ICE2: variants seen among roughly 807,000 people sequenced by gnomAD.
ICE2 encodes interactor of little elongation complex ELL subunit 2.
A neutral mutation model predicts 105.4 loss-of-function variants in ICE2; 87 were observed. That is an observed-to-expected ratio of 0.83 (90% CI 0.69 to 0.99). ICE2 has a LOEUF of 0.99. Among genes scored for constraint, ICE2 ranks in the 50% least tolerant of loss-of-function variants. The probability of loss-of-function intolerance (pLI) is 0.00; values close to 1 mark genes in which losing one functional copy is unlikely to be tolerated. For missense variants in ICE2, 1,323 were observed against 1,146.7 expected (o/e 1.15, Z -2.22); for synonymous variants, 399 against 392.0 (o/e 1.02, Z -0.21).
At chr15:60,458,450 T>C (rs1183812800) in intron 5 of ICE2, among the ~76,000 whole-genome samples, 1 of 151,944 alleles carries the variant, frequency 6.6e-6, no homozygotes, top group African/African-American at 2.4e-5. Flanking sequence ...TGGTGAAAAG[T>C]GAGGAAAATA....
intron 12 of ICE2, 79 bp from the exon 13 acceptor site, chr15:60,436,306 C>T: frequency 4.1e-6 from 2 of 489,178 alleles, no homozygotes; most frequent in Non-Finnish European, 3.6e-6. Context: ...ATCCTGTCTC[C>T]TTAAAGATTA....
chr15:60,468,722 G>A (rs1269215056), intron 3 of ICE2, among the ~76,000 whole-genome samples: 1 of 152,108 alleles, frequency 6.6e-6, no homozygotes, highest in Non-Finnish European at 1.5e-5. Flanking sequence ...GTGAATAAAA[G>A]CTACTAAGAA....
intron 12 of ICE2, among the ~76,000 whole-genome samples, chr15:60,437,303 A>C (rs2063616615): frequency 6.6e-6 from 1 of 151,940 alleles, no homozygotes; most frequent in African/African-American, 2.4e-5. Flanking sequence ...GATTTCCCAA[A>C]GTTAAAAAAA....
chr15:60,452,364 C>G, intron 9 of ICE2: 1 of 609,768 alleles, frequency 1.6e-6, no homozygotes, highest in South Asian at 7.4e-5. Flanking sequence ...AAGTCTCTGT[C>G]CACATTTCCT....
intron 15 of ICE2, among the ~76,000 whole-genome samples, chr15:60,427,467 C>A (rs1342954728): frequency 6.6e-6 from 1 of 152,192 alleles, no homozygotes; most frequent in Non-Finnish European, 1.5e-5. Context: ...GTAGCCCAGG[C>A]TGGAGTGCAG....
intron 3 of ICE2, among the ~76,000 whole-genome samples, chr15:60,470,937 C>T (rs554071157): frequency 1.6e-4 from 25 of 152,054 alleles, no homozygotes; most frequent in Non-Finnish European, 1.6e-4. Flanking sequence ...CAGTCTGATA[C>T]GGCTGAGAAC....
rs143794443 is a variant in ICE2, at chr15:60,466,613, T to C, written c.509A>G (p.Asp170Gly). 1 of 1,611,416 alleles carries C rather than the reference T, an allele frequency of 6.2e-7. No homozygotes were observed. The highest frequency in any genetic ancestry group is 8.5e-7 in the Non-Finnish European group (1 of 1,179,720). ...TTTTACCTCTGTGAAGAGACGGGCA[T>C]CATCAGAAAGCATATTATAATCCTG... ...CAQDYNMLSD[D>G]ARLFTEKILR... The change falls in exon 5 of 16, where the codon GAT becomes GGT. Residue 170 changes from aspartate to glycine, a missense_variant. Physicochemically the swap from Asp to Gly is moderately conservative, Grantham distance 94. Transcript: ENST00000261520.
chr15:60,432,112 A>C (rs1296500762), intron 13 of ICE2, 128 bp from the exon 14 acceptor site: 3 of 271,280 alleles, frequency 1.1e-5, no homozygotes, highest in Non-Finnish European at 1.9e-5. Flanking sequence ...AATGTAATAC[A>C]AAAAATCTGA....
chr15:60,425,709 T>C (rs1478161377), intron 15 of ICE2, among the ~76,000 whole-genome samples: 1 of 152,218 alleles, frequency 6.6e-6, no homozygotes, highest in Non-Finnish European at 1.5e-5. Flanking sequence ...AACAAATTTT[T>C]ACACCATGAA....
intron 1 of ICE2, 80 bp downstream of exon 1, chr15:60,478,923 C>A (rs950826061): frequency 4.4e-6 from 2 of 455,078 alleles, no homozygotes; most frequent in African/African-American, 2.0e-5. Flanking sequence ...TCCCTCCTCC[C>A]GCCCCTGCAT....
At chr15:60,429,876 A>C (rs1053926272) in intron 14 of ICE2, among the ~76,000 whole-genome samples, 3 of 152,172 alleles carry the variant, frequency 2.0e-5, no homozygotes, top group African/African-American at 7.2e-5. Context: ...ACTTCCACTA[A>C]AAATGGAGAA....
chr15:60,425,332 A>G (rs2063317273), intron 15 of ICE2, among the ~76,000 whole-genome samples: 1 of 152,216 alleles, frequency 6.6e-6, no homozygotes, highest in South Asian at 2.1e-4. Flanking sequence ...GGTATTTCCT[A>G]TAAAGGTATA....
chr15:60,452,097 T>C, intron 9 of ICE2: 6 of 985,368 alleles, frequency 6.1e-6, no homozygotes, highest in Non-Finnish European at 6.0e-6. Context: ...CTCATGTTTC[T>C]TCTTGTTACT....
intron 11 of ICE2, among the ~76,000 whole-genome samples, chr15:60,446,256 T>G: frequency 6.6e-6 from 1 of 152,228 alleles, no homozygotes; most frequent in African/African-American, 2.4e-5. Flanking sequence ...GATAAAAACA[T>G]TATCAAGCAC....
chr15:60,452,118 C>T, intron 9 of ICE2: 1 of 985,060 alleles, frequency 1.0e-6, no homozygotes, highest in Non-Finnish European at 1.2e-6. Flanking sequence ...GCCTGACATT[C>T]ACCTCAATAT....
intron 12 of ICE2, among the ~76,000 whole-genome samples, chr15:60,437,306 TA>T (rs954055939): frequency 7.4e-5 from 11 of 148,494 alleles, no homozygotes; most frequent in Admixed American, 6.7e-5. Flanking sequence ...TTCCCAAAGT[TA>T]AAAAAAAAAT....
chr15:60,438,956 A>C (rs1405217178), intron 12 of ICE2: 1 of 152,366 alleles, frequency 6.6e-6, no homozygotes, highest in African/African-American at 2.4e-5. Context: ...TGATTTATAG[A>C]GGACAAATAA....
intron 4 of ICE2, 33 bp downstream of exon 4, chr15:60,468,027 AT>A: frequency 1.4e-6 from 2 of 1,478,072 alleles, no homozygotes; most frequent in Non-Finnish European, 1.8e-6. Flanking sequence ...AATTTTTATT[AT>A]TTTTTCCTGA....
chr15:60,423,874 T>C (rs1056681120), intron 15 of ICE2, 112 bp from the exon 16 acceptor site: 102 of 976,030 alleles, frequency 1.0e-4, no homozygotes, highest in Admixed American at 1.8e-4. Flanking sequence ...TAAGCTCTTA[T>C]ATATTTTTCA....
Sources: allele counts gnomAD v4.1 joint callset (sites outside exome capture counted in the v4.1 genomes callset), GRCh38; gene constraint gnomAD v4.1.1; transcripts MANE v1.5; gene names NCBI Gene and HGNC (gene_info 2026-07-23, HGNC 2026-07-21).